KIF21B: variants seen among roughly 807,000 people sequenced by gnomAD.
The protein encoded by KIF21B is kinesin-like protein KIF21B.
A neutral mutation model predicts 192.9 loss-of-function variants in KIF21B; 85 were observed. That is an observed-to-expected ratio of 0.44 (90% CI 0.37 to 0.53). The LOEUF (loss-of-function observed/expected upper bound fraction) is 0.53, where lower values mean the gene tolerates loss of function less well. Among genes scored for constraint, KIF21B ranks in the 20% least tolerant of loss-of-function variants. The pLI is 0.00. For synonymous variants in KIF21B, 832 were observed against 884.6 expected (o/e 0.94, Z 1.05); for missense variants, 1,716 against 2,194.8 (o/e 0.78, Z 4.36).
In KIF21B at chr1:200,974,933, G is replaced by C; in HGVS notation, c.4615-20C>G. Reference sequence around the variant, plus strand: ...GATTTGCTGTGAGAGGATCAGGGCTGGTGAGGGCTGGGGGAGGTGATGAGG... The same window carrying C: ...GATTTGCTGTGAGAGGATCAGGGCTCGTGAGGGCTGGGGGAGGTGATGAGG... On this transcript the variant is annotated intron_variant, in intron 33 of 34. Coordinates refer to ENST00000461742, the MANE Select transcript of KIF21B (RefSeq NM_001252102.2). 6.2e-7 allele frequency: 1 copy of C among 1,610,536 alleles called. No individual in the cohort carries two copies. The highest frequency in any genetic ancestry group is 8.5e-7 in the Non-Finnish European group (1 of 1,179,142).
chr1:200,977,140 C>A (rs1000398730), intron 31 of KIF21B, 72 bp downstream of exon 31: 1 of 1,538,648 alleles, frequency 6.5e-7, no homozygotes, highest in Admixed American at 1.8e-5. Flanking sequence ...GGGGTGGGTC[C>A]CCCTGAACCA....
chr1:200,974,970 C>G (rs1390078230), intron 33 of KIF21B, 57 bp from the exon 34 acceptor site: 33 of 1,540,840 alleles, frequency 2.1e-5, no homozygotes, highest in Non-Finnish European at 2.8e-5. Flanking sequence ...AGAGAACCTG[C>G]CCCAGGGCCC....
chr1:200,992,440 C>A lies in KIF21B; in HGVS notation c.2278-51G>T, dbSNP rs746957901. 11 of 1,578,768 alleles carry A rather than the reference C, an allele frequency of 7.0e-6. No individual in the cohort carries two copies. The Admixed American group carries it at 1.8e-4, about 26-fold the overall frequency. On this transcript the variant is annotated intron_variant, in intron 15 of 34. Transcript: ENST00000461742. ...TGAGACAGGGCTGGGAGGCAGGTGG[C>A]CCACACTCTCCAGGGAGGGGCCAGC...
At chr1:201,007,115 C>T (rs1312192804) in intron 3 of KIF21B, among the ~76,000 whole-genome samples, 3 of 145,028 alleles carry the variant, frequency 2.1e-5, no homozygotes, top group Non-Finnish European at 3.0e-5. Context: ...GACACACACA[C>T]GCAGACACCC....
At chr1:200,994,276 TG>T (rs1482230045) in intron 15 of KIF21B, among the ~76,000 whole-genome samples, 1 of 152,362 alleles carries the variant, frequency 6.6e-6, no homozygotes, top group East Asian at 1.9e-4. Flanking sequence ...GGCCTCTCCC[TG>T]GGAGACCCCG....
rs1188362730 is a variant in KIF21B at position 201,023,267 on chromosome 1, G to C, written c.41+76C>G. The C allele has an allele frequency of 7.6e-7, 1 of 1,317,556 alleles. No individual in the cohort carries two copies. Among genetic ancestry groups the C allele is most frequent in the Non-Finnish European group, 1.0e-6 (1 of 977,892 alleles). 81.6% of individuals were successfully genotyped at this position (1,317,556 alleles called of 1,614,324 possible). On this transcript the variant is annotated intron_variant, in intron 1 of 34. Coordinates refer to ENST00000461742, the MANE Select transcript of KIF21B (RefSeq NM_001252102.2). The surrounding 1 kb of genome is among the most constrained non-coding windows in gnomAD (Gnocchi z 5.9). ...AGGCTCCAGCCCAAGCGGTGCTCGCGCCCCCCGCCCAAAGCCCACGCGAGA... is the reference window on the plus strand; with the variant it reads ...AGGCTCCAGCCCAAGCGGTGCTCGCCCCCCCCGCCCAAAGCCCACGCGAGA...
chr1:201,003,427 G>T, intron 8 of KIF21B, 159 bp downstream of exon 8: 1 of 706,660 alleles, frequency 1.4e-6, no homozygotes, highest in Non-Finnish European at 2.5e-6. Context: ...AGCATGCCTG[G>T]CACACAACTG....
Position 201,023,316 on chromosome 1 carries a change from GC to G in KIF21B, c.41+26del, listed in dbSNP as rs1658972677. The G allele has an allele frequency of 2.0e-6, 3 of 1,517,072 alleles. No homozygotes were observed. Among genetic ancestry groups the G allele is most frequent in the Non-Finnish European group, 1.8e-6 (2 of 1,133,124 alleles). The allele number at this position is 1,517,072 out of a possible 1,614,324, so 94.0% of individuals were successfully genotyped here. On this transcript the variant is annotated intron_variant, in intron 1 of 34. Coordinates refer to ENST00000461742, the MANE Select transcript of KIF21B (RefSeq NM_001252102.2). This position sits in a 1 kb window ranked among gnomAD's most constrained non-coding sequence, Gnocchi z 5.9. Reference sequence around the variant, plus strand: ...GACAAAGCCCGAGGCTTCTCCGCGCGCCCCCTTCCCCGCCCCGGGTCCCTAC... The same window carrying G: ...GACAAAGCCCGAGGCTTCTCCGCGCGCCCCTTCCCCGCCCCGGGTCCCTAC...
Position 200,990,632 on chromosome 1 carries a change from C to T in KIF21B, c.2779G>A (p.Val927Ile), listed in dbSNP as rs141159592. 84 of 1,614,168 alleles carry T rather than the reference C, an allele frequency of 5.2e-5. 1 individual carries two copies. The East Asian group carries it at 1.1e-3, about 21-fold the overall frequency. ...QSLERRIIDI[V>I]MQRMTIVNLE... ...TTGACAATGGTCATTCTCTGCATGA[C>T]GATGTCAATGATCCGTCGCTCCAGG... Residue 927 changes from valine (V) to isoleucine (I), a missense_variant, in exon 19 of 35, where the codon GTC becomes ATC. This residue lies in a region of KIF21B where 1,087 missense variants were observed against 1,316.6 expected (regional missense o/e 0.83). Coordinates refer to ENST00000461742, the MANE Select transcript of KIF21B (RefSeq NM_001252102.2). The surrounding 1 kb of genome is among the most constrained non-coding windows in gnomAD (Gnocchi z 5.4).
chr1:200,971,022 C>T lies in KIF21B; in HGVS notation c.*2499G>A, dbSNP rs567003968. On this transcript the variant is annotated 3_prime_UTR_variant, in exon 35 of 35. Coordinates refer to ENST00000461742, the MANE Select transcript of KIF21B (RefSeq NM_001252102.2). Reference sequence around the variant, plus strand: ...GACAGAGCCAACGTGGGGGGATCCTCCCGGGCCTGGGCCTGTCAAGTCTGC... The same window carrying T: ...GACAGAGCCAACGTGGGGGGATCCTTCCGGGCCTGGGCCTGTCAAGTCTGC... 6.5e-6 allele frequency: 1 copy of T among 153,042 alleles called. No homozygotes were observed. The highest frequency in any genetic ancestry group is 2.1e-4 in the South Asian group (1 of 4,832). 9.5% of individuals were successfully genotyped at this position (153,042 alleles called of 1,614,324 possible).
At position 200,991,287 on chromosome 1, in the gene KIF21B, C is replaced by T. The variant is rs1656678858; in HGVS notation, c.2455-138G>A. ...GCCTGGGCTTGGGCTGCAAAAGGGC[C>T]AAGGGGTCTCTGTTTGATGTGACAT... On this transcript the variant is annotated intron_variant, in intron 17 of 34. Coordinates refer to ENST00000461742, the MANE Select transcript of KIF21B (RefSeq NM_001252102.2). 3 of 674,354 alleles carry T rather than the reference C, an allele frequency of 4.4e-6. No homozygotes were observed. The Admixed American group carries it at 8.5e-5, about 19-fold the overall frequency. 41.8% of individuals were successfully genotyped at this position (674,354 alleles called of 1,614,324 possible).
At chr1:201,007,339 GACACAGAGACACATAGACACACACACAC>G (rs1657927548) in intron 3 of KIF21B, among the ~76,000 whole-genome samples, 1 of 33,186 alleles carries the variant, frequency 3.0e-5, no homozygotes, top group Admixed American at 2.4e-4. Flanking sequence ...CACACACACA[GACACAGAGACACATAGACACACACACAC>G]ACACAGAGAC....
chr1:201,015,839 C>G (rs767810707), intron 1 of KIF21B, among the ~76,000 whole-genome samples: 5 of 152,192 alleles, frequency 3.3e-5, no homozygotes, highest in Non-Finnish European at 7.3e-5. Context: ...AACTTCCTGC[C>G]TGCAAAGATG....
rs774829992 is a variant in KIF21B, at chr1:201,003,633, G to A, written c.1165C>T (p.Arg389Trp). The change falls in exon 8 of 35, where the codon CGG becomes TGG. Residue 389 changes from arginine to tryptophan, a missense_variant. Coordinates refer to ENST00000461742, the MANE Select transcript of KIF21B (RefSeq NM_001252102.2). ...ATCTGCAGCCGAGCAATCTCAGCCC[G>A]CAGTGCACTGATTTGCTGGCTGGTC... ...DKTSQQISAL[R>W]AEIARLQMEL... 8.7e-6 allele frequency: 14 copies of A among 1,614,182 alleles called. No homozygotes were observed. The highest frequency in any genetic ancestry group is 4.5e-5 in the East Asian group (2 of 44,888).
At chr1:200,989,157 G>A (rs967884806) in intron 21 of KIF21B, among the ~76,000 whole-genome samples, 1 of 152,144 alleles carries the variant, frequency 6.6e-6, no homozygotes, top group Non-Finnish European at 1.5e-5. Context: ...GCTAGGTTAT[G>A]TCCCCCCAAA....
chr1:201,012,634 T>TGTATGTATGTAA (rs1025657597), intron 1 of KIF21B, among the ~76,000 whole-genome samples: 1 of 150,282 alleles, frequency 6.7e-6, no homozygotes, highest in Non-Finnish European at 1.5e-5. Context: ...GAAAACTCTA[T>TGTATGTATGTAA]GTATGTATGT....
At chr1:200,973,600 A>G (rs1391489335) in intron 34 of KIF21B, 22 bp from the exon 35 acceptor site, 1 of 1,522,768 alleles carries the variant, frequency 6.6e-7, no homozygotes, top group Non-Finnish European at 8.7e-7. Context: ...GACAAAGTGG[A>G]GGGGTGCCGG....
chr1:200,986,445 C>T (rs1354207960), intron 26 of KIF21B, among the ~76,000 whole-genome samples: 2 of 151,560 alleles, frequency 1.3e-5, no homozygotes, highest in Non-Finnish European at 2.9e-5. Flanking sequence ...GCAATCTCTG[C>T]CTCCCAGGTT....
rs749008346 is a variant in KIF21B, at chr1:200,973,318, C to A, written c.*203G>T. 9 of 544,266 alleles carry A rather than the reference C, an allele frequency of 1.7e-5. No homozygotes were observed. Among genetic ancestry groups the A allele is most frequent in the Non-Finnish European group, 2.6e-5 (9 of 341,828 alleles). 33.7% of individuals were successfully genotyped at this position (544,266 alleles called of 1,614,324 possible). A position where few individuals can be genotyped will look rare whatever the true frequency, so the allele number is the denominator to read the frequency against. On this transcript the variant is annotated 3_prime_UTR_variant, in exon 35 of 35. Transcript: ENST00000461742. ...TTAATTTCCTCCCCAGCCTCTCTCT[C>A]ACCCAGAGGCTCCTGAGAGGCAGGG...
Sources: gnomAD v4.1 joint callset for allele counts (sites outside exome capture counted in the v4.1 genomes callset) on GRCh38, gnomAD v4.1.1 for gene constraint, gnomAD v4.1.1 regional missense constraint, Gnocchi (gnomAD v3.1) non-coding constraint, MANE v1.5 for transcripts, NCBI Gene and HGNC (gene_info 2026-07-23, HGNC 2026-07-21) for gene names.